Variants in KCNIP4 observed in about 807,000 individuals in gnomAD.
The protein encoded by KCNIP4 is Kv channel-interacting protein 4.
A neutral mutation model predicts 34.0 loss-of-function variants in KCNIP4; 12 were observed. That is an observed-to-expected ratio of 0.35 (90% CI 0.23 to 0.57). The LOEUF (loss-of-function observed/expected upper bound fraction) is 0.57. Among genes scored for constraint, KCNIP4 ranks in the 20% least tolerant of loss-of-function variants. The probability of loss-of-function intolerance (pLI) is 0.83; values close to 1 mark genes in which losing one functional copy is unlikely to be tolerated. For missense variants in KCNIP4, 238 were observed against 311.7 expected, an observed-to-expected ratio of 0.76 and a Z score of 1.78; for synonymous variants, 124 against 102.2, an observed-to-expected ratio of 1.21 and a Z score of -1.29.
chr4:21,462,765 T>C (rs1234440804), intron 1 of KCNIP4, among the ~76,000 whole-genome samples: 1 of 145,672 alleles, frequency 6.9e-6, no homozygotes, highest in Admixed American at 6.9e-5. Flanking sequence ...TAGTATTCCA[T>C]TGTGTGTGTG....
At chr4:21,754,354 T>C (rs1283657227) in intron 1 of KCNIP4, among the ~76,000 whole-genome samples, 1 of 152,222 alleles carries the variant, frequency 6.6e-6, no homozygotes, top group Non-Finnish European at 1.5e-5. Flanking sequence ...AGTTTTTCTG[T>C]GTGTTTTTCC....
chr4:21,397,812 C>G (rs189397081), intron 1 of KCNIP4, among the ~76,000 whole-genome samples: 2 of 152,052 alleles, frequency 1.3e-5, no homozygotes, highest in African/African-American at 4.8e-5. Flanking sequence ...TTCAATAGTT[C>G]GCTGCCCTTG....
At chr4:21,477,337 G>T (rs141474685) in intron 1 of KCNIP4, among the ~76,000 whole-genome samples, 47 of 152,230 alleles carry the variant, frequency 3.1e-4, no homozygotes, top group Middle Eastern at 3.4e-3. Flanking sequence ...CAAACTTAAT[G>T]AGCTCATTTT....
At chr4:20,847,564 T>C (rs983723568) in intron 3 of KCNIP4, among the ~76,000 whole-genome samples, 2 of 152,122 alleles carry the variant, frequency 1.3e-5, no homozygotes, top group Non-Finnish European at 1.5e-5. Flanking sequence ...ACTCAGAATC[T>C]GGCAAGAGAC....
intron 1 of KCNIP4, among the ~76,000 whole-genome samples, chr4:21,920,199 T>C (rs1728861899): frequency 6.6e-6 from 1 of 152,174 alleles, no homozygotes; most frequent in Non-Finnish European, 1.5e-5. Flanking sequence ...CATACCAAAA[T>C]AGACAAAACA....
chr4:21,292,936 T>C (rs1349715958), intron 1 of KCNIP4, among the ~76,000 whole-genome samples: 1 of 152,122 alleles, frequency 6.6e-6, no homozygotes, highest in African/African-American at 2.4e-5. Flanking sequence ...AATTATAAAT[T>C]CAATGAATGA....
At chr4:21,428,316 C>G (rs1327731309) in intron 1 of KCNIP4, among the ~76,000 whole-genome samples, 1 of 152,114 alleles carries the variant, frequency 6.6e-6, no homozygotes, top group Non-Finnish European at 1.5e-5. Context: ...TCTTGTTTTG[C>G]CAGTAACACA....
At chr4:21,393,566 T>C (rs1332232753) in intron 1 of KCNIP4, among the ~76,000 whole-genome samples, 1 of 152,184 alleles carries the variant, frequency 6.6e-6, no homozygotes, top group Non-Finnish European at 1.5e-5. Flanking sequence ...ATCTCAGACC[T>C]GATATCCATT....
intron 1 of KCNIP4, among the ~76,000 whole-genome samples, chr4:20,975,740 C>T (rs1735425571): frequency 6.6e-6 from 1 of 152,144 alleles, no homozygotes; most frequent in African/African-American, 2.4e-5. Context: ...TTATTGCCAA[C>T]TCTAGAACAA....
intron 1 of KCNIP4, among the ~76,000 whole-genome samples, chr4:20,919,557 G>T (rs530312491): frequency 1.3e-5 from 2 of 151,988 alleles, no homozygotes; most frequent in South Asian, 2.1e-4. Flanking sequence ...CAAAAAATTA[G>T]CTGGGCGTGG....
intron 1 of KCNIP4, among the ~76,000 whole-genome samples, chr4:20,962,988 A>G (rs141368188): frequency 6.6e-6 from 1 of 152,096 alleles, no homozygotes; most frequent in African/African-American, 2.4e-5. Flanking sequence ...GGGATAAAAA[A>G]TTTTTTCTCT....
At chr4:20,814,717 T>C (rs1716175276) in intron 3 of KCNIP4, among the ~76,000 whole-genome samples, 1 of 152,138 alleles carries the variant, frequency 6.6e-6, no homozygotes, top group African/African-American at 2.4e-5. Flanking sequence ...GATTGGCCAA[T>C]AAGCTTTGCT....
chr4:21,499,382 C>T (rs759604156), intron 1 of KCNIP4, among the ~76,000 whole-genome samples: 1 of 150,010 alleles, frequency 6.7e-6, no homozygotes, highest in Non-Finnish European at 1.5e-5. Flanking sequence ...TTATTAAAAT[C>T]GCTTCCACGT....
At chr4:21,124,843 A>G (rs929253498) in intron 1 of KCNIP4, among the ~76,000 whole-genome samples, 1 of 152,134 alleles carries the variant, frequency 6.6e-6, no homozygotes, top group African/African-American at 2.4e-5. Flanking sequence ...CCTCAAGAGC[A>G]TGATCTCATC....
chr4:21,941,951 C>T (rs1255761022), intron 1 of KCNIP4, among the ~76,000 whole-genome samples: 1 of 152,084 alleles, frequency 6.6e-6, no homozygotes, highest in Non-Finnish European at 1.5e-5. Flanking sequence ...TCTAATGCTA[C>T]GTGCATGTGT....
intron 1 of KCNIP4, among the ~76,000 whole-genome samples, chr4:21,640,522 G>T (rs1464902665): frequency 2.0e-5 from 3 of 152,104 alleles, no homozygotes; most frequent in African/African-American, 7.2e-5. Context: ...TTATTCTGCA[G>T]TACAGGAAAG....
At chr4:21,798,958 T>C (rs1457014416) in intron 1 of KCNIP4, among the ~76,000 whole-genome samples, 1 of 152,122 alleles carries the variant, frequency 6.6e-6, no homozygotes, top group Non-Finnish European at 1.5e-5. Context: ...ATTATCAAAA[T>C]GTTTTAATTA....
In KCNIP4 at chr4:21,086,038, C is replaced by T. The variant is rs529570243; in HGVS notation, c.62-203329G>A. 2.6e-5 allele frequency among the ~76,000 whole-genome samples: 4 copies of T among 152,200 alleles called. No individual in the cohort carries two copies. The South Asian group carries it at 8.3e-4, about 32-fold the overall frequency. ...TCTGCTCCCTCACTGTGGACTGGAA[C>T]GTGGATATGGTGGTGGGGAGCCAGG... On this transcript the variant is annotated intron_variant, in intron 1 of 8. Coordinates refer to ENST00000382152, the MANE Select transcript of KCNIP4 (RefSeq NM_025221.6).
chr4:20,804,142 C>G (rs16869987), intron 3 of KCNIP4, among the ~76,000 whole-genome samples: 4 of 151,904 alleles, frequency 2.6e-5, no homozygotes, highest in Non-Finnish European at 5.9e-5. Context: ...CAAGACTGCA[C>G]AAATTATTTT....
Sources: gnomAD v4.1 joint callset for allele counts (sites outside exome capture counted in the v4.1 genomes callset) on GRCh38, gnomAD v4.1.1 for gene constraint, MANE v1.5 for transcripts, NCBI Gene and HGNC (gene_info 2026-07-23, HGNC 2026-07-21) for gene names.